The following CYB5R4 variants were observed in gnomAD, a reference collection of about 807,000 sequenced individuals.
CYB5R4 encodes the protein N-terminal cytochrome b5 and cytochrome b5 oxidoreductase domain-containing protein.
A neutral mutation model predicts 70.2 loss-of-function variants in CYB5R4; 55 were observed. That is an observed-to-expected ratio of 0.78 (90% CI 0.63 to 0.98). The LOEUF is 0.98. Among genes scored for constraint, CYB5R4 ranks in the 50% least tolerant of loss-of-function variants. CYB5R4 has a pLI of 0.00. For missense variants in CYB5R4, 562 were observed against 612.6 expected, an observed-to-expected ratio of 0.92 and a Z score of 0.87; for synonymous variants, 197 against 199.5, an observed-to-expected ratio of 0.99 and a Z score of 0.11.
chr6:83,955,117 A>G (rs1299021089), intron 14 of CYB5R4, among the ~76,000 whole-genome samples, 181 bp from the exon 15 acceptor site: 2 of 152,156 alleles, frequency 1.3e-5, no homozygotes, highest in Non-Finnish European at 2.9e-5. Flanking sequence ...CTTAGTAAAT[A>G]TAGATTTACC....
chr6:83,933,406 C>T (rs1369684825), intron 10 of CYB5R4, among the ~76,000 whole-genome samples: 2 of 152,142 alleles, frequency 1.3e-5, no homozygotes, highest in South Asian at 2.1e-4. Context: ...AAAATGATTT[C>T]TTAGGATTAT....
chr6:83,868,141 T>A (rs191896030), intron 2 of CYB5R4, among the ~76,000 whole-genome samples: 1 of 152,254 alleles, frequency 6.6e-6, no homozygotes, highest in East Asian at 1.9e-4. Context: ...ATCAAAACTG[T>A]GCCACAGGGA....
chr6:83,935,660 A>G (rs573073777), intron 11 of CYB5R4, among the ~76,000 whole-genome samples: 2 of 152,294 alleles, frequency 1.3e-5, no homozygotes, highest in African/African-American at 4.8e-5. Flanking sequence ...AAAATAATAT[A>G]TTCTTAGAAG....
At chr6:83,920,081 A>G (rs1334321193) in intron 7 of CYB5R4, among the ~76,000 whole-genome samples, 1 of 152,200 alleles carries the variant, frequency 6.6e-6, no homozygotes, top group Non-Finnish European at 1.5e-5. Flanking sequence ...TCAGATACGT[A>G]GAGACCTGAC....
chr6:83,922,765 T>G (rs2099466598), intron 9 of CYB5R4, among the ~76,000 whole-genome samples: 1 of 151,950 alleles, frequency 6.6e-6, no homozygotes, highest in Non-Finnish European at 1.5e-5. Context: ...TGGTTTTGGG[T>G]TTTTTCCTAT....
At chr6:83,880,299 A>T (rs1232671654) in intron 2 of CYB5R4, among the ~76,000 whole-genome samples, 7 of 152,182 alleles carry the variant, frequency 4.6e-5, no homozygotes, top group African/African-American at 1.7e-4. Context: ...TTTGCAGCTG[A>T]CTTGTTTTGG....
chr6:83,916,672 A>G (rs568738881), intron 5 of CYB5R4, among the ~76,000 whole-genome samples: 11 of 152,246 alleles, frequency 7.2e-5, no homozygotes, highest in African/African-American at 2.6e-4. Flanking sequence ...GTGGGAAGAA[A>G]TGGAAGCTGA....
chr6:83,936,491 C>A, intron 12 of CYB5R4, 115 bp downstream of exon 12: 2 of 852,596 alleles, frequency 2.3e-6, no homozygotes, highest in Non-Finnish European at 3.7e-6. Context: ...ATGTCTACAA[C>A]CAAAGTTATC....
rs917473266 is a variant in CYB5R4, at chr6:83,966,735, T to C, written c.*6857T>C. Reference sequence around the variant, plus strand: ...AAAGGATTCTAGAGGAAGTGGTAAATAGTGAAGATAGGCAAAGAATATCCA... The same window carrying C: ...AAAGGATTCTAGAGGAAGTGGTAAACAGTGAAGATAGGCAAAGAATATCCA... On this transcript the variant is annotated 3_prime_UTR_variant, in exon 16 of 16. Transcript: ENST00000369681. 2 of 151,972 alleles carry C rather than the reference T, an allele frequency of 1.3e-5. No individual in the cohort carries two copies. The highest frequency in any genetic ancestry group is 4.8e-5 in the African/African-American group (2 of 41,380). 9.4% of individuals were successfully genotyped at this position (151,972 alleles called of 1,614,324 possible).
chr6:83,864,171 T>G lies in CYB5R4; in HGVS notation c.76-4T>G. On this transcript the variant is annotated splice_region_variant and splice_polypyrimidine_tract_variant and intron_variant, in intron 1 of 15. Transcript: ENST00000369681. ...GATTTAATTCTTCCTTTTTCCATTT[T>G]TAGGTACCTTTAAAACAGGGCAGAA... The G allele has an allele frequency of 6.5e-7, 1 of 1,548,244 alleles. No homozygotes were observed. Among genetic ancestry groups the G allele is most frequent in the Non-Finnish European group, 8.7e-7 (1 of 1,152,220 alleles).
At chr6:83,955,179 A>T in intron 14 of CYB5R4, 119 bp from the exon 15 acceptor site, 1 of 722,710 alleles carries the variant, frequency 1.4e-6, no homozygotes, top group Non-Finnish European at 2.1e-6. Context: ...TCTAGCAAGT[A>T]AGTGTATCTT....
At chr6:83,929,768 T>C (rs1336306244) in intron 10 of CYB5R4, among the ~76,000 whole-genome samples, 5 of 152,212 alleles carry the variant, frequency 3.3e-5, no homozygotes, top group Admixed American at 6.5e-5. Context: ...TAATTGATAC[T>C]GTCTTTAATA....
intron 10 of CYB5R4, among the ~76,000 whole-genome samples, chr6:83,928,993 A>G (rs1172957512): frequency 6.6e-6 from 1 of 152,240 alleles, no homozygotes; most frequent in African/African-American, 2.4e-5. Context: ...CCATTAAAAA[A>G]GAAAGGTTTA....
At position 83,901,881 on chromosome 6, in the gene CYB5R4, C is replaced by CT. The variant is rs199730508; in HGVS notation, c.331-7118dup. ...CTTTGCCCACTTCTTAATGGGATTA[C>CT]TTTTTTTTTTATGGTTGGGTTCCTT... On this transcript the variant is annotated intron_variant, in intron 3 of 15. Transcript: ENST00000369681. Among the ~76,000 whole-genome samples the CT allele has an allele frequency of 6.2e-3, 912 of 147,382 alleles. 11 individuals carry two copies. Among genetic ancestry groups the CT allele is most frequent in the African/African-American group, 0.017 (681 of 40,362 alleles).
At position 83,859,775 on chromosome 6, in the gene CYB5R4, G is replaced by A. The variant is rs771749103; in HGVS notation, c.-8G>A. 3.3e-5 allele frequency: 54 copies of A among 1,612,892 alleles called. No homozygotes were observed. Among genetic ancestry groups the A allele is most frequent in the Non-Finnish European group, 4.6e-5 (54 of 1,179,688 alleles). ...TCCCCGGGCAGGGCCCGGGGCCGGG[G>A]TTTGAAGATGCTGAACGTCCCTTCC... On this transcript the variant is annotated 5_prime_UTR_variant, in exon 1 of 16. Coordinates refer to ENST00000369681, the MANE Select transcript of CYB5R4 (RefSeq NM_016230.4).
At position 83,966,601 on chromosome 6, in the gene CYB5R4, TAA is replaced by T. The variant is rs2099474118; in HGVS notation, c.*6724_*6725del. 1 of 152,008 alleles carries T rather than the reference TAA, an allele frequency of 6.6e-6. No individual in the cohort carries two copies. The highest frequency in any genetic ancestry group is 1.5e-5 in the Non-Finnish European group (1 of 67,978). 9.4% of individuals were successfully genotyped at this position (152,008 alleles called of 1,614,324 possible). A position where few individuals can be genotyped will look rare whatever the true frequency, so the allele number is the denominator to read the frequency against. On this transcript the variant is annotated 3_prime_UTR_variant, in exon 16 of 16. Coordinates refer to ENST00000369681, the MANE Select transcript of CYB5R4 (RefSeq NM_016230.4). The stretch of plus-strand genomic sequence containing the variant: ...TGCTACTTGGGAGGCTGAGGCAGGA[TAA>T]TTGCCTGAACCCGGGAGGCGGAGGT...
intron 7 of CYB5R4, 35 bp downstream of exon 7, chr6:83,919,489 T>C (rs2099466024): frequency 8.9e-7 from 1 of 1,128,158 alleles, no homozygotes; most frequent in African/African-American, 1.6e-5. Flanking sequence ...AAGAAGAAAA[T>C]AATAAATGTT....
At chr6:83,881,365 G>A (rs61761502) in intron 2 of CYB5R4, among the ~76,000 whole-genome samples, 6,242 of 152,060 alleles carry the variant, frequency 0.041, 441 homozygotes, top group African/African-American at 0.14. Flanking sequence ...TATAGAGATA[G>A]CGTCTTGCTT....
chr6:83,860,258 G>A lies in CYB5R4; in HGVS notation c.75+401G>A, dbSNP rs77338833. Among the ~76,000 whole-genome samples the A allele has an allele frequency of 2.2e-3, 341 of 152,162 alleles. 4 individuals carry two copies. The highest frequency in any genetic ancestry group is 7.6e-3 in the African/African-American group (315 of 41,516). ...CTGAAGGAGTTGTACCACATCACTC[G>A]ATGTGGGTTCCCTCGCAGGAGGGAA... On this transcript the variant is annotated intron_variant, in intron 1 of 15. Transcript: ENST00000369681.
Sources: allele counts gnomAD v4.1 joint callset (sites outside exome capture counted in the v4.1 genomes callset), GRCh38; gene constraint gnomAD v4.1.1; transcripts MANE v1.5; gene names NCBI Gene and HGNC (gene_info 2026-07-23, HGNC 2026-07-21).